The following NPAS3 variants were observed in gnomAD, a reference collection of about 807,000 sequenced individuals.
NPAS3 encodes neuronal PAS domain-containing protein 3.
In NPAS3, 14 loss-of-function variants were observed where a neutral mutation model predicts 73.1. The observed-to-expected ratio is 0.19, with a 90% CI of 0.13 to 0.30. The LOEUF (loss-of-function observed/expected upper bound fraction) is 0.30, where lower values mean the gene tolerates loss of function less well. NPAS3 is among the 10% of genes least tolerant of loss of function. NPAS3 has a pLI of 1.00. For synonymous variants in NPAS3, 620 were observed against 541.5 expected, an observed-to-expected ratio of 1.14 and a Z score of -2.01; for missense variants, 1,096 against 1,250.0, an observed-to-expected ratio of 0.88 and a Z score of 1.86.
At chr14:33,233,456 A>T (rs1038855240) in intron 3 of NPAS3, among the ~76,000 whole-genome samples, 1 of 152,138 alleles carries the variant, frequency 6.6e-6, no homozygotes, top group African/African-American at 2.4e-5. Flanking sequence ...CATGTAGGTC[A>T]TCCTGCATTT....
At chr14:33,458,736 C>T (rs1464972842) in intron 4 of NPAS3, among the ~76,000 whole-genome samples, 1 of 152,044 alleles carries the variant, frequency 6.6e-6, no homozygotes, top group Non-Finnish European at 1.5e-5. Flanking sequence ...TCATTGTGGC[C>T]AATTCAATAA....
At chr14:33,385,604 T>G (rs1023328892) in intron 4 of NPAS3, among the ~76,000 whole-genome samples, 5 of 152,072 alleles carry the variant, frequency 3.3e-5, no homozygotes, top group African/African-American at 1.2e-4. Flanking sequence ...TCAAACACAC[T>G]GAAGTCTAGG....
At chr14:33,056,024 C>G (rs1423019338) in intron 2 of NPAS3, 30 bp downstream of exon 2, 2 of 799,314 alleles carry the variant, frequency 2.5e-6, no homozygotes, top group South Asian at 2.9e-5. Flanking sequence ...AGTCTTCCTT[C>G]TGGCTCGTAC....
chr14:33,729,197 TTTTGAAAATATAG>T (rs555422198), intron 6 of NPAS3, among the ~76,000 whole-genome samples: 231 of 152,302 alleles, frequency 1.5e-3, no homozygotes, highest in South Asian at 5.8e-3. Flanking sequence ...GGGCATTTAC[TTTTGAAAATATAG>T]ACCCTACTTA....
At chr14:33,448,372 A>C (rs539374126) in intron 4 of NPAS3, among the ~76,000 whole-genome samples, 1 of 152,332 alleles carries the variant, frequency 6.6e-6, no homozygotes, top group East Asian at 1.9e-4. Context: ...GACAGTCCAA[A>C]GATAGAATAG....
At chr14:33,051,280 C>CAAAAAA (rs1236766783) in intron 1 of NPAS3, among the ~76,000 whole-genome samples, 8 of 64,254 alleles carry the variant, frequency 1.2e-4, no homozygotes, top group African/African-American at 5.2e-4. Flanking sequence ...GACTCCGTCT[C>CAAAAAA]AAAAAAAAAA....
chr14:33,055,882 A>G (rs1171090496), intron 1 of NPAS3, 23 bp from the exon 2 acceptor site: 46 of 787,528 alleles, frequency 5.8e-5, no homozygotes, highest in Admixed American at 1.0e-4. Flanking sequence ...AGTCATGTCT[A>G]TCTGTTTTTG....
chr14:33,457,746 C>T (rs192488577), intron 4 of NPAS3, among the ~76,000 whole-genome samples: 6 of 152,126 alleles, frequency 3.9e-5, no homozygotes, highest in Non-Finnish European at 8.8e-5. Flanking sequence ...TTGCCCTTAG[C>T]GTGTGTAAGT....
intron 5 of NPAS3, among the ~76,000 whole-genome samples, chr14:33,620,532 A>G (rs2058048530): frequency 6.6e-6 from 1 of 152,192 alleles, no homozygotes; most frequent in African/African-American, 2.4e-5. Context: ...AAATATGCAA[A>G]TATAGAGAGA....
chr14:33,537,038 AGC>A (rs1370529858), intron 4 of NPAS3, among the ~76,000 whole-genome samples: 1 of 151,086 alleles, frequency 6.6e-6, no homozygotes, highest in Non-Finnish European at 1.5e-5. Flanking sequence ...TCAGCAGTAC[AGC>A]TATGTTACGA....
At position 33,700,902 on chromosome 14, in the gene NPAS3, T is replaced by A. The variant is rs576850712; in HGVS notation, c.733+24517T>A. On this transcript the variant is annotated intron_variant, in intron 6 of 11. Coordinates refer to ENST00000356141, the Ensembl canonical transcript of NPAS3. ...ATCCAAAATATGTTTCTTAATGTTG[T>A]TTAATTGTCAAGTACAGATAAAGCA... Among the ~76,000 whole-genome samples the A allele has an allele frequency of 2.0e-5, 3 of 152,334 alleles. No homozygotes were observed. The East Asian group carries it at 5.8e-4, about 29-fold the overall frequency.
chr14:33,492,124 T>A (rs1048281267), intron 4 of NPAS3, among the ~76,000 whole-genome samples: 51 of 152,154 alleles, frequency 3.4e-4, no homozygotes, highest in African/African-American at 1.2e-3. Flanking sequence ...TCTCACTCAC[T>A]TAGGGATCTA....
At chr14:33,599,115 A>G (rs961697067) in intron 5 of NPAS3, among the ~76,000 whole-genome samples, 3 of 152,112 alleles carry the variant, frequency 2.0e-5, no homozygotes, top group African/African-American at 7.2e-5. Context: ...ACCCACTCTC[A>G]AGTGGGCACA....
At chr14:33,313,452 A>G (rs760877024) in intron 3 of NPAS3, among the ~76,000 whole-genome samples, 1 of 152,076 alleles carries the variant, frequency 6.6e-6, no homozygotes, top group African/African-American at 2.4e-5. Flanking sequence ...CTGTAGTACA[A>G]TTCCCAGTGG....
chr14:33,204,092 T>C (rs987967604), intron 2 of NPAS3, among the ~76,000 whole-genome samples: 2 of 152,228 alleles, frequency 1.3e-5, no homozygotes, highest in Non-Finnish European at 2.9e-5. Flanking sequence ...CATTTTTTCA[T>C]GTGTCTTTTG....
intron 4 of NPAS3, among the ~76,000 whole-genome samples, chr14:33,380,935 T>C (rs530000458): frequency 3.3e-5 from 5 of 152,284 alleles, no homozygotes; most frequent in Non-Finnish European, 7.4e-5. Flanking sequence ...TACAATGTTT[T>C]AGTAAATTTC....
At chr14:33,129,881 T>A (rs1278617476) in intron 2 of NPAS3, among the ~76,000 whole-genome samples, 1 of 152,178 alleles carries the variant, frequency 6.6e-6, no homozygotes, top group Non-Finnish European at 1.5e-5. Context: ...AAGATTTGAC[T>A]GGGTGTTTTT....
At chr14:33,189,384 C>T (rs2046089645) in intron 2 of NPAS3, among the ~76,000 whole-genome samples, 1 of 152,170 alleles carries the variant, frequency 6.6e-6, no homozygotes, top group Non-Finnish European at 1.5e-5. Flanking sequence ...GCATTGTGTA[C>T]TAAGCACTTG....
At chr14:33,367,335 T>C in intron 4 of NPAS3, 67 bp downstream of exon 4, 1 of 711,734 alleles carries the variant, frequency 1.4e-6, no homozygotes, top group Middle Eastern at 2.5e-4. Context: ...TTAGTCTTTT[T>C]TTTAAAGAAT....
Sources: gnomAD v4.1 joint callset for allele counts (sites outside exome capture counted in the v4.1 genomes callset) on GRCh38, gnomAD v4.1.1 for gene constraint, MANE v1.5 for transcripts, NCBI Gene and HGNC (gene_info 2026-07-23, HGNC 2026-07-21) for gene names.